The following DENND1B variants were observed in gnomAD, a reference collection of about 807,000 sequenced individuals.
The protein encoded by DENND1B is DENN domain containing 1B, also known as DENN domain-containing protein 1B.
A neutral mutation model predicts 90.1 loss-of-function variants in DENND1B; 59 were observed. The ratio of observed to expected loss-of-function variants is 0.65; its 90% CI spans 0.53 to 0.81. The LOEUF (loss-of-function observed/expected upper bound fraction) is 0.81. DENND1B is among the 40% of genes least tolerant of loss of function. DENND1B has a pLI of 0.00. For missense variants in DENND1B, 862 were observed against 912.6 expected (o/e 0.94, Z 0.71); for synonymous variants, 337 against 324.6 (o/e 1.04, Z -0.41).
At position 197,583,188 on chromosome 1, in the gene DENND1B, G is replaced by A; in HGVS notation, c.1113C>T (p.Phe371=). The change falls in exon 15 of 23, where the codon TTC becomes TTT. Residue 371 remains phenylalanine (F), a synonymous_variant. Transcript: ENST00000620048. ...GCTGGAGGTTAATGGCAGTTTCCAGGAACTGTTTCATCACGCTTGAGCGGT... is the reference window on the plus strand; with the variant it reads ...GCTGGAGGTTAATGGCAGTTTCCAGAAACTGTTTCATCACGCTTGAGCGGT... ...VKHRSSVMKQ[F]LETAINLQLF... 6.2e-7 allele frequency: 1 copy of A among 1,613,836 alleles called. No individual in the cohort carries two copies. Among genetic ancestry groups the A allele is most frequent in the South Asian group, 1.1e-5 (1 of 91,068 alleles).
chr1:197,695,420 T>C (rs377294943), intron 3 of DENND1B, among the ~76,000 whole-genome samples: 1 of 151,186 alleles, frequency 6.6e-6, no homozygotes, highest in African/African-American at 2.4e-5. Context: ...TTTTGGAATA[T>C]GAAACCAAGT....
intron 10 of DENND1B, among the ~76,000 whole-genome samples, chr1:197,636,165 A>G: frequency 6.6e-6 from 1 of 152,114 alleles, no homozygotes; most frequent in Non-Finnish European, 1.5e-5. Flanking sequence ...AGGATTAATT[A>G]CATATAGGAT....
chr1:197,562,713 A>C (rs1016357986), intron 15 of DENND1B, among the ~76,000 whole-genome samples: 2 of 151,896 alleles, frequency 1.3e-5, no homozygotes, highest in Admixed American at 1.3e-4. Flanking sequence ...CCAAGGGAAA[A>C]AGCTAAAAAT....
chr1:197,714,785 A>G (rs912537337), intron 3 of DENND1B, among the ~76,000 whole-genome samples: 2 of 152,132 alleles, frequency 1.3e-5, no homozygotes, highest in Non-Finnish European at 2.9e-5. Flanking sequence ...AATAAGTTGA[A>G]AGTTTAAACA....
chr1:197,669,834 A>G (rs1196120028), intron 5 of DENND1B, among the ~76,000 whole-genome samples: 1 of 152,106 alleles, frequency 6.6e-6, no homozygotes, highest in African/African-American at 2.4e-5. Context: ...TAAAATATTC[A>G]ATAATACTGT....
intron 20 of DENND1B, among the ~76,000 whole-genome samples, chr1:197,526,998 C>A (rs1460171637): frequency 6.6e-6 from 1 of 152,068 alleles, no homozygotes; most frequent in Non-Finnish European, 1.5e-5. Context: ...TGATTTAAAA[C>A]AAACATTTAA....
rs1199161596 is a variant in DENND1B, at chr1:197,505,118, T to C, written c.*5342A>G. ...CATAAAAAAGCTTTATGCATTTATGTTGTAGGACTCAGGCAGTTCATATTA... is the reference window on the plus strand; with the variant it reads ...CATAAAAAAGCTTTATGCATTTATGCTGTAGGACTCAGGCAGTTCATATTA... On this transcript the variant is annotated 3_prime_UTR_variant, in exon 23 of 23. Transcript: ENST00000620048. 2 of 151,790 alleles carry C rather than the reference T, an allele frequency of 1.3e-5. No homozygotes were observed. Among genetic ancestry groups the C allele is most frequent in the African/African-American group, 4.8e-5 (2 of 41,398 alleles). The allele number at this position is 151,790 out of a possible 1,614,324, so 9.4% of individuals were successfully genotyped here.
intron 20 of DENND1B, among the ~76,000 whole-genome samples, chr1:197,525,394 G>A (rs1669069441): frequency 1.3e-5 from 2 of 152,130 alleles, no homozygotes; most frequent in Admixed American, 1.3e-4. Flanking sequence ...AAATAAATAA[G>A]TCAGTAACCC....
At chr1:197,581,426 T>C (rs188257617) in intron 15 of DENND1B, among the ~76,000 whole-genome samples, 205 of 152,304 alleles carry the variant, frequency 1.3e-3, no homozygotes, top group Admixed American at 2.8e-3. Context: ...CCTACACAGA[T>C]ATGTATTTTG....
At position 197,505,912 on chromosome 1, in the gene DENND1B, G is replaced by C. The variant is rs1040382279; in HGVS notation, c.*4548C>G. Reference sequence around the variant, plus strand: ...TTGTACCGTATATATTTCTTTTAAAGTAACAGTATTGTCAATCTAATCTAA... The same window carrying C: ...TTGTACCGTATATATTTCTTTTAAACTAACAGTATTGTCAATCTAATCTAA... On this transcript the variant is annotated 3_prime_UTR_variant, in exon 23 of 23. Transcript: ENST00000620048. The C allele has an allele frequency of 2.8e-5, 2 of 70,392 alleles. No individual in the cohort carries two copies. 4.4% of individuals were successfully genotyped at this position (70,392 alleles called of 1,614,324 possible).
chr1:197,772,820 CCA>C, intron 2 of DENND1B, 46 bp downstream of exon 2: 1 of 1,423,002 alleles, frequency 7.0e-7, no homozygotes, highest in Non-Finnish European at 9.5e-7. Flanking sequence ...AGATCTTGTC[CCA>C]AAAAAAAGAG....
chr1:197,657,810 T>C (rs951905361), intron 6 of DENND1B, among the ~76,000 whole-genome samples: 2 of 152,180 alleles, frequency 1.3e-5, no homozygotes, highest in Admixed American at 6.5e-5. Flanking sequence ...AACATTTTCA[T>C]AGCTATATTA....
rs747884892 is a variant in DENND1B, at chr1:197,715,104, A to T, written c.83-30T>A. On this transcript the variant is annotated intron_variant, in intron 2 of 22. Coordinates refer to ENST00000620048, the MANE Select transcript of DENND1B (RefSeq NM_001195215.2). ...AAATAATTGACATGTATAATTAAAC[A>T]GCAGCAAAAGAACACATTTAAAGGA... 11 of 1,587,738 alleles carry T rather than the reference A, an allele frequency of 6.9e-6. No individual in the cohort carries two copies. In the Admixed American group the frequency reaches 1.5e-4, roughly 22 times the overall value.
intron 2 of DENND1B, among the ~76,000 whole-genome samples, chr1:197,762,912 T>C (rs1655269042): frequency 6.6e-6 from 1 of 151,926 alleles, no homozygotes; most frequent in African/African-American, 2.4e-5. Flanking sequence ...TAATATTCCA[T>C]TGCATATATG....
intron 2 of DENND1B, among the ~76,000 whole-genome samples, chr1:197,754,912 C>T (rs1288564203): frequency 6.6e-6 from 1 of 151,976 alleles, no homozygotes; most frequent in Non-Finnish European, 1.5e-5. Flanking sequence ...TTATTTTCTT[C>T]TTCTATTTGA....
intron 20 of DENND1B, among the ~76,000 whole-genome samples, chr1:197,526,701 T>G (rs1184394640): frequency 6.6e-6 from 1 of 152,136 alleles, no homozygotes; most frequent in South Asian, 2.1e-4. Flanking sequence ...ATAAAAAGAT[T>G]ATCTTCCATT....
At chr1:197,668,396 T>A (rs967263792) in intron 5 of DENND1B, among the ~76,000 whole-genome samples, 11 of 151,374 alleles carry the variant, frequency 7.3e-5, no homozygotes, top group Non-Finnish European at 1.6e-4. Context: ...AGGGAAGGGG[T>A]AGTGGGACAG....
At chr1:197,609,454 T>C (rs556210211) in intron 12 of DENND1B, among the ~76,000 whole-genome samples, 7 of 150,804 alleles carry the variant, frequency 4.6e-5, no homozygotes, top group Admixed American at 1.3e-4. Flanking sequence ...TTATTCCTAA[T>C]GACCTGCAGG....
chr1:197,765,006 A>G (rs1655526942), intron 2 of DENND1B, among the ~76,000 whole-genome samples: 1 of 152,184 alleles, frequency 6.6e-6, no homozygotes, highest in Non-Finnish European at 1.5e-5. Context: ...CATCAAAGCA[A>G]TTCCCTCCAT....
Sources: gnomAD v4.1 joint callset for allele counts (sites outside exome capture counted in the v4.1 genomes callset) on GRCh38, gnomAD v4.1.1 for gene constraint, MANE v1.5 for transcripts, NCBI Gene and HGNC (gene_info 2026-07-23, HGNC 2026-07-21) for gene names.